Variants in OR6P1 observed in about 807,000 individuals in gnomAD.
OR6P1 encodes olfactory receptor 6P1.
OR6P1 carries 5 observed loss-of-function variants against 6.6 expected under a neutral mutation model. The observed-to-expected ratio is 0.76, with a 90% CI of 0.40 to 1.60. The LOEUF (loss-of-function observed/expected upper bound fraction) is 1.60. OR6P1 is among the 40% of genes most tolerant of loss of function. The probability of loss-of-function intolerance (pLI) is 0.02; values close to 1 mark genes in which losing one functional copy is unlikely to be tolerated. For missense variants in OR6P1, 451 were observed against 383.0 expected, an observed-to-expected ratio of 1.18 and a Z score of -1.48; for synonymous variants, 177 against 149.6, an observed-to-expected ratio of 1.18 and a Z score of -1.33.
rs557196057 is a variant in OR6P1, at chr1:158,562,357, C to T, written c.*294G>A. On this transcript the variant is annotated 3_prime_UTR_variant, in exon 3 of 3. Transcript: ENST00000641540. ...CCCAGGAAGTTTTGAATATTATTCA[C>T]GGCAGGGTTACATTCCACACATACT... 4.8e-5 allele frequency: 16 copies of T among 330,436 alleles called. No homozygotes were observed. Among genetic ancestry groups the T allele is most frequent in the Middle Eastern group, 8.8e-4 (1 of 1,136 alleles). The allele number at this position is 330,436 out of a possible 1,614,324, so 20.5% of individuals were successfully genotyped here.
Position 158,562,916 on chromosome 1 carries a change from G to A in OR6P1, c.689C>T (p.Thr230Met), listed in dbSNP as rs201965628. 1.4e-4 allele frequency: 218 copies of A among 1,551,938 alleles called. 1 individual carries two copies. The highest frequency in any genetic ancestry group is 1.4e-3 in the South Asian group (114 of 84,062). Residue 230 changes from threonine (T) to methionine (M), a missense_variant, in exon 3 of 3, where the codon ACG becomes ATG. By Grantham distance (81) the Thr-to-Met change is moderately conservative. Coordinates refer to ENST00000641540, the MANE Select transcript of OR6P1 (RefSeq NM_001160325.2). Reference sequence around the variant, plus strand: ...AAAGGCTTTGTGGCGTCCCCTGGACGTAGGGATCCTCAGGATGGCTGCAAT... The same window carrying A: ...AAAGGCTTTGTGGCGTCCCCTGGACATAGGGATCCTCAGGATGGCTGCAAT... The part of the protein sequence containing the change: ...AIIAAILRIP[T>M]SRGRHKAFST...
chr1:158,567,388 C>G (rs1162412885), intron 1 of OR6P1, among the ~76,000 whole-genome samples: 2 of 149,040 alleles, frequency 1.3e-5, no homozygotes, highest in Non-Finnish European at 3.0e-5. Flanking sequence ...AGACTTGGAA[C>G]CAACCCAAAT....
At position 158,562,945 on chromosome 1, in the gene OR6P1, G is replaced by T. The variant is rs1488403603; in HGVS notation, c.660C>A (p.Ala220=). Residue 220 remains alanine (A), a synonymous_variant, in exon 3 of 3, where the codon GCC becomes GCA. Coordinates refer to ENST00000641540, the MANE Select transcript of OR6P1 (RefSeq NM_001160325.2). ...GGATCCTCAGGATGGCTGCAATGAT[G>T]GCAGTGTATGATGAAACCACAGCCA... ...PLLAVVSSYT[A]IIAAILRIPT... is the part of the protein sequence containing the mutation. 1 of 1,551,736 alleles carries T rather than the reference G, an allele frequency of 6.4e-7. No homozygotes were observed.
intron 1 of OR6P1, among the ~76,000 whole-genome samples, chr1:158,569,986 T>A (rs548428079): frequency 1.3e-5 from 2 of 152,328 alleles, no homozygotes; most frequent in African/African-American, 2.4e-5. Context: ...TGTTTTTTTT[T>A]AAATCTCATT....
intron 1 of OR6P1, among the ~76,000 whole-genome samples, chr1:158,568,547 C>CCAAG (rs1648154200): frequency 1.3e-5 from 2 of 152,182 alleles, no homozygotes; most frequent in South Asian, 4.1e-4. Flanking sequence ...TCCCTCAGAA[C>CCAAG]CAAGAACAGC....
chr1:158,565,103 T>C (rs1489963324), intron 2 of OR6P1, among the ~76,000 whole-genome samples: 2 of 152,246 alleles, frequency 1.3e-5, no homozygotes, highest in East Asian at 3.8e-4. Flanking sequence ...GTCCTTGCTG[T>C]GTTCTTCAGG....
intron 1 of OR6P1, among the ~76,000 whole-genome samples, chr1:158,567,227 A>T (rs1310801136): frequency 1.3e-5 from 2 of 152,212 alleles, no homozygotes; most frequent in South Asian, 4.2e-4. Flanking sequence ...ATTGTGGAAG[A>T]CAGTGTGGTG....
chr1:158,561,352 T>A lies in OR6P1; in HGVS notation c.*1299A>T, dbSNP rs1360444361. The A allele has an allele frequency of 2.6e-5, 4 of 152,208 alleles. No homozygotes were observed. In the South Asian group the frequency reaches 8.3e-4, roughly 32 times the overall value. 9.4% of individuals were successfully genotyped at this position (152,208 alleles called of 1,614,324 possible). A position where few individuals can be genotyped will look rare whatever the true frequency, so the allele number is the denominator to read the frequency against. The stretch of plus-strand genomic sequence containing the variant: ...ACAAAACAACTTAAACTGTTTTAAG[T>A]ATCAGATCTTTTATTGTTATTTTGT... On this transcript the variant is annotated 3_prime_UTR_variant, in exon 3 of 3. Transcript: ENST00000641540.
At position 158,563,210 on chromosome 1, in the gene OR6P1, T is replaced by C; in HGVS notation, c.395A>G (p.Tyr132Cys). The C allele has an allele frequency of 6.4e-7, 1 of 1,550,876 alleles. No homozygotes were observed. The highest frequency in any genetic ancestry group is 1.2e-5 in the South Asian group (1 of 83,988). ...RYLAICGPLL[Y>C]PSLMPSSLAT... ...CAGACTGGAAGGCATGAGACTAGGG[T>C]AAAGGAGGGGTCCACAGATGGCCAG... Residue 132 changes from tyrosine to cysteine, a missense_variant, in exon 3 of 3, where the codon TAC (tyrosine) becomes TGC (cysteine). Physicochemically the swap from Tyr to Cys is radical, Grantham distance 194. Transcript: ENST00000641540.
In OR6P1 at chr1:158,563,579, A is replaced by G. The variant is rs1356138865; in HGVS notation, c.26T>C (p.Val9Ala). 3.9e-6 allele frequency: 6 copies of G among 1,545,644 alleles called. No homozygotes were observed. Among genetic ancestry groups the G allele is most frequent in the Non-Finnish European group, 5.2e-6 (6 of 1,145,492 alleles). The change falls in exon 3 of 3, where the codon GTC becomes GCC. Residue 9 changes from valine (V) to alanine (A), a missense_variant. Physicochemically the swap from Val to Ala is moderately conservative, Grantham distance 64. Coordinates refer to ENST00000641540, the MANE Select transcript of OR6P1 (RefSeq NM_001160325.2). ...GAAACCCACCAAGACAAACTCCTCGACATGGCCTCCACTCAAATTTCTCAT... is the reference window on the plus strand; with the variant it reads ...GAAACCCACCAAGACAAACTCCTCGGCATGGCCTCCACTCAAATTTCTCAT... The part of the protein sequence containing the change: MRNLSGGH[V>A]EEFVLVGFPT...
chr1:158,564,169 G>A (rs1019611110), intron 2 of OR6P1, among the ~76,000 whole-genome samples: 3 of 152,132 alleles, frequency 2.0e-5, no homozygotes, highest in African/African-American at 4.8e-5. Flanking sequence ...TCAATACAAA[G>A]GAGATAATGA....
In OR6P1 at chr1:158,562,915, C is replaced by G; in HGVS notation, c.690G>C (p.Thr230=). 1.3e-6 allele frequency: 2 copies of G among 1,551,836 alleles called. No homozygotes were observed. The highest frequency in any genetic ancestry group is 1.7e-4 in the Middle Eastern group (1 of 5,994). The change falls in exon 3 of 3, where the codon ACG becomes ACC. Residue 230 remains threonine (T), a synonymous_variant. Coordinates refer to ENST00000641540, the MANE Select transcript of OR6P1 (RefSeq NM_001160325.2). ...AIIAAILRIP[T]SRGRHKAFST... ...AAAAGGCTTTGTGGCGTCCCCTGGACGTAGGGATCCTCAGGATGGCTGCAA... is the reference window on the plus strand; with the variant it reads ...AAAAGGCTTTGTGGCGTCCCCTGGAGGTAGGGATCCTCAGGATGGCTGCAA...
At chr1:158,563,775 A>G (rs1648031051) in intron 2 of OR6P1, 149 bp from the exon 3 acceptor site, 1 of 568,260 alleles carries the variant, frequency 1.8e-6, no homozygotes. Flanking sequence ...TTTTTCTCTC[A>G]CCTTATAGGA....
chr1:158,567,327 A>C (rs899274996), intron 1 of OR6P1, among the ~76,000 whole-genome samples: 1 of 151,884 alleles, frequency 6.6e-6, no homozygotes, highest in Non-Finnish European at 1.5e-5. Context: ...TCATGCTGCT[A>C]TAAAGACACA....
chr1:158,568,557 C>T (rs928500788), intron 1 of OR6P1, among the ~76,000 whole-genome samples: 20 of 152,174 alleles, frequency 1.3e-4, no homozygotes, highest in African/African-American at 4.8e-4. Flanking sequence ...CCAAGAACAG[C>T]TCTTTATGGG....
intron 2 of OR6P1, among the ~76,000 whole-genome samples, chr1:158,565,568 G>A (rs1454129530): frequency 1.3e-5 from 2 of 151,656 alleles, no homozygotes; most frequent in Non-Finnish European, 2.9e-5. Flanking sequence ...TATATAATTA[G>A]CATACATTTA....
Position 158,563,498 on chromosome 1 carries a change from A to G in OR6P1, c.107T>C (p.Leu36Pro), listed in dbSNP as rs763934069. ...LLFVLFFAIY[L>P]LTLLENALIV... ...AAGTGCATTCTCCAACAATGTCAGA[A>G]GGTAAATTGCAAAAAAAAGGACAAA... Residue 36 changes from leucine (L) to proline (P), a missense_variant, in exon 3 of 3, where the codon CTT becomes CCT. Coordinates refer to ENST00000641540, the MANE Select transcript of OR6P1 (RefSeq NM_001160325.2). The G allele has an allele frequency of 3.2e-6, 5 of 1,551,440 alleles. No individual in the cohort carries two copies. The highest frequency in any genetic ancestry group is 3.9e-5 in the Admixed American group (2 of 50,924).
intron 1 of OR6P1, among the ~76,000 whole-genome samples, chr1:158,567,359 G>A (rs1026524883): frequency 9.3e-5 from 14 of 151,262 alleles, no homozygotes; most frequent in African/African-American, 3.4e-4. Context: ...GTTTATTGCG[G>A]CACTATTCAC....
chr1:158,563,873 G>T (rs751888027), intron 2 of OR6P1, among the ~76,000 whole-genome samples: 1 of 152,094 alleles, frequency 6.6e-6, no homozygotes, highest in Non-Finnish European at 1.5e-5. Flanking sequence ...TTTCAGAACT[G>T]CTTGGCATTT....
Sources: allele counts gnomAD v4.1 joint callset (sites outside exome capture counted in the v4.1 genomes callset), GRCh38; gene constraint gnomAD v4.1.1; transcripts MANE v1.5; gene names NCBI Gene and HGNC (gene_info 2026-07-23, HGNC 2026-07-21).